ME1: variants seen among roughly 807,000 people sequenced by gnomAD.
The protein encoded by ME1 is malic enzyme 1.
A neutral mutation model predicts 66.4 loss-of-function variants in ME1; 74 were observed. That is an observed-to-expected ratio of 1.11 (90% CI 0.92 to 1.35). The LOEUF (loss-of-function observed/expected upper bound fraction) is 1.35, where lower values mean the gene tolerates loss of function less well. Ranked by LOEUF, ME1 falls within the 40% of genes most tolerant of loss-of-function variation. ME1 has a pLI of 0.00. For synonymous variants in ME1, 251 were observed against 235.6 expected, an observed-to-expected ratio of 1.07 and a Z score of -0.60; for missense variants, 750 against 694.1, an observed-to-expected ratio of 1.08 and a Z score of -0.90.
rs1157166785 is a variant in ME1, at chr6:83,211,299, C to T, written c.*625G>A. The T allele has an allele frequency of 1.3e-5, 2 of 152,626 alleles. No homozygotes were observed. The highest frequency in any genetic ancestry group is 2.9e-5 in the Non-Finnish European group (2 of 68,054). The allele number at this position is 152,626 out of a possible 1,614,324, so 9.5% of individuals were successfully genotyped here. On this transcript the variant is annotated 3_prime_UTR_variant, in exon 14 of 14. Transcript: ENST00000369705. ...CAGGATCAAGGTAATAAGAGCTTTACTCTATGAGATGTAACAATGACAAAA... is the reference window on the plus strand; with the variant it reads ...CAGGATCAAGGTAATAAGAGCTTTATTCTATGAGATGTAACAATGACAAAA...
intron 6 of ME1, among the ~76,000 whole-genome samples, chr6:83,305,283 G>A (rs1236709100): frequency 6.6e-6 from 1 of 152,034 alleles, no homozygotes; most frequent in African/African-American, 2.4e-5. Context: ...ATATCTTCTA[G>A]TGGAAGAAAC....
At chr6:83,348,995 AAAAAAACAAAAAAC>A (rs1344175668) in intron 4 of ME1, among the ~76,000 whole-genome samples, 1 of 144,886 alleles carries the variant, frequency 6.9e-6, no homozygotes, top group Non-Finnish European at 1.5e-5. Flanking sequence ...AAAAAAAAAA[AAAAAAACAAAAAAC>A]AAAAAACAGT....
chr6:83,300,868 T>TA (rs939644200), intron 6 of ME1, among the ~76,000 whole-genome samples: 2 of 152,122 alleles, frequency 1.3e-5, no homozygotes, highest in African/African-American at 4.8e-5. Context: ...TATGCAGTGA[T>TA]AAAAAAGATG....
At chr6:83,230,021 G>A (rs376029786) in intron 9 of ME1, among the ~76,000 whole-genome samples, 7 of 151,800 alleles carry the variant, frequency 4.6e-5, no homozygotes, top group East Asian at 1.9e-4. Context: ...TGGGGGTCTC[G>A]CTATATTGCC....
intron 10 of ME1, among the ~76,000 whole-genome samples, chr6:83,227,936 A>G (rs1009220413): frequency 2.0e-5 from 3 of 152,264 alleles, no homozygotes; most frequent in African/African-American, 4.8e-5. Context: ...AGAAGAATAA[A>G]GCAATTAGCA....
At chr6:83,235,750 G>T (rs1171836031) in intron 9 of ME1, among the ~76,000 whole-genome samples, 1 of 152,128 alleles carries the variant, frequency 6.6e-6, no homozygotes, top group Non-Finnish European at 1.5e-5. Flanking sequence ...GGGATTATAG[G>T]CGTGAGCCAC....
chr6:83,272,947 G>A (rs1767111765), intron 6 of ME1, among the ~76,000 whole-genome samples: 3 of 152,260 alleles, frequency 2.0e-5, no homozygotes, highest in Middle Eastern at 3.4e-3. Context: ...GGCTGAGGCA[G>A]GTGGATCACC....
intron 5 of ME1, among the ~76,000 whole-genome samples, chr6:83,322,177 T>C (rs1768192601): frequency 6.6e-6 from 1 of 152,138 alleles, no homozygotes. Context: ...CAAAGGTAGA[T>C]AAATCCATGA....
At chr6:83,249,926 T>C (rs1235343151) in intron 7 of ME1, among the ~76,000 whole-genome samples, 3 of 152,196 alleles carry the variant, frequency 2.0e-5, no homozygotes, top group African/African-American at 7.2e-5. Flanking sequence ...GTCATGGTCA[T>C]CATTTTAACC....
At chr6:83,356,037 T>C (rs543793803) in intron 3 of ME1, among the ~76,000 whole-genome samples, 1 of 152,268 alleles carries the variant, frequency 6.6e-6, no homozygotes, top group African/African-American at 2.4e-5. Context: ...TCAAAACAGA[T>C]TTGGGAGATG....
chr6:83,405,707 TTTGTTG>T (rs143631258), intron 2 of ME1, among the ~76,000 whole-genome samples: 1 of 144,244 alleles, frequency 6.9e-6, no homozygotes. Context: ...GAGAGTTTTT[TTTGTTG>T]TTGTTGTTGT....
intron 3 of ME1, among the ~76,000 whole-genome samples, chr6:83,391,977 A>C (rs969364190): frequency 1.1e-4 from 16 of 152,198 alleles, no homozygotes; most frequent in Non-Finnish European, 1.8e-4. Context: ...ATCACCTTCA[A>C]ACATTCTAGA....
intron 6 of ME1, among the ~76,000 whole-genome samples, chr6:83,279,112 A>G (rs1347260582): frequency 6.6e-6 from 1 of 152,230 alleles, no homozygotes; most frequent in Admixed American, 6.5e-5. Flanking sequence ...AAAAATCCAA[A>G]GACAAGAGGT....
rs182883394 is a variant in ME1 at position 83,422,966 on chromosome 6, T to C, written c.78+7911A>G. Among the ~76,000 whole-genome samples the C allele has an allele frequency of 1.1e-3, 168 of 151,814 alleles. 1 individual carries two copies. Among genetic ancestry groups the C allele is most frequent in the Non-Finnish European group, 2.0e-3 (133 of 67,942 alleles). On this transcript the variant is annotated intron_variant, in intron 1 of 13. Transcript: ENST00000369705. ...GGAGAAAATAATGGCTGAAAACATA[T>C]CAAATTTGATAAAAGACATATACTT... is the stretch of plus-strand genomic sequence containing the variant.
intron 6 of ME1, among the ~76,000 whole-genome samples, chr6:83,255,603 A>T (rs1457280899): frequency 1.3e-5 from 2 of 152,122 alleles, no homozygotes; most frequent in Non-Finnish European, 2.9e-5. Context: ...GATTAAAAAA[A>T]CAAGCTATAC....
At chr6:83,349,709 T>C (rs1768762334) in intron 4 of ME1, among the ~76,000 whole-genome samples, 1 of 152,232 alleles carries the variant, frequency 6.6e-6, no homozygotes, top group African/African-American at 2.4e-5. Context: ...ACTTATATAA[T>C]TTCCTTGTTA....
In ME1 at chr6:83,430,852, C is replaced by A; in HGVS notation, c.78+25G>T. 1.9e-6 allele frequency: 3 copies of A among 1,578,346 alleles called. No individual in the cohort carries two copies. The Admixed American group carries it at 5.3e-5, about 28-fold the overall frequency. ...ACCCTGATAGAGAGGGGCCGATGGG[C>A]GGCCAGGTGGGCCTGCGGGTTTACC... On this transcript the variant is annotated intron_variant, in intron 1 of 13. Transcript: ENST00000369705.
intron 6 of ME1, among the ~76,000 whole-genome samples, chr6:83,298,618 T>G (rs1001382011): frequency 2.0e-5 from 3 of 152,186 alleles, no homozygotes; most frequent in African/African-American, 7.2e-5. Context: ...GCTTTTCATG[T>G]TTCTGTCATG....
Position 83,393,165 on chromosome 6 carries a change from TATG to T in ME1, c.362+5199_362+5201del, listed in dbSNP as rs577154368. 74 of 1,256,938 alleles carry T rather than the reference TATG, an allele frequency of 5.9e-5. No individual in the cohort carries two copies. In the African/African-American group the frequency reaches 9.8e-4, roughly 17 times the overall value. 77.9% of individuals were successfully genotyped at this position (1,256,938 alleles called of 1,614,324 possible). ...CTGCCGTCTGGAAAAACCTACCAAA[TATG>T]ATGACACCAAGAAGGTGGTGAAGCA... is the stretch of plus-strand genomic sequence containing the variant. On this transcript the variant is annotated intron_variant, in intron 3 of 13. Transcript: ENST00000369705.
Sources: allele counts gnomAD v4.1 joint callset (sites outside exome capture counted in the v4.1 genomes callset), GRCh38; gene constraint gnomAD v4.1.1; transcripts MANE v1.5; gene names NCBI Gene and HGNC (gene_info 2026-07-23, HGNC 2026-07-21).